EDEM1: variants seen among roughly 807,000 people sequenced by gnomAD.
EDEM1 encodes ER degradation-enhancing alpha-mannosidase-like protein 1.
EDEM1 carries 67 observed loss-of-function variants against 74.4 expected under a neutral mutation model. The observed-to-expected ratio is 0.90, with a 90% CI of 0.74 to 1.10. EDEM1 has a LOEUF of 1.10. Ranked by LOEUF, EDEM1 falls within the 50% of genes least tolerant of loss-of-function variation. EDEM1 has a pLI of 0.00. For synonymous variants in EDEM1, 382 were observed against 335.9 expected (o/e 1.14, Z -1.50); for missense variants, 926 against 851.6 (o/e 1.09, Z -1.09).
In EDEM1 at chr3:5,215,995, T is replaced by C. The variant is rs2055230250; in HGVS notation, c.*77T>C. 1 of 1,247,132 alleles carries C rather than the reference T, an allele frequency of 8.0e-7. No homozygotes were observed. The allele number at this position is 1,247,132 out of a possible 1,614,324, so 77.3% of individuals were successfully genotyped here. On this transcript the variant is annotated 3_prime_UTR_variant, in exon 12 of 12. Transcript: ENST00000256497. ...GACCATGCCAAAGTCCAGTCTGAAA[T>C]GAAAGGGGACAGAAGTCTTGCTGTC...
Position 5,187,831 on chromosome 3 carries a change from G to T in EDEM1, c.26G>T (p.Gly9Val). The change falls in exon 1 of 12, where the codon GGG becomes GTG. Residue 9 changes from glycine to valine, a missense_variant. Coordinates refer to ENST00000256497, the MANE Select transcript of EDEM1 (RefSeq NM_014674.3). ...ATGCAATGGCGAGCGCTCGTCCTGG[G>T]GCTGGTGCTCCTCCGGCTTGGCCTC... MQWRALVL[G>V]LVLLRLGLHG... 1 of 1,589,974 alleles carries T rather than the reference G, an allele frequency of 6.3e-7. No individual in the cohort carries two copies. The highest frequency in any genetic ancestry group is 8.5e-7 in the Non-Finnish European group (1 of 1,169,724).
In EDEM1 at chr3:5,218,323, G is replaced by T. The variant is rs2055266181; in HGVS notation, c.*2405G>T. On this transcript the variant is annotated 3_prime_UTR_variant, in exon 12 of 12. Coordinates refer to ENST00000256497, the MANE Select transcript of EDEM1 (RefSeq NM_014674.3). The stretch of plus-strand genomic sequence containing the variant: ...TGGTTTGTGGGGCTGGATGCCAGAA[G>T]GTTCTTTGAGCCAGTTTCAAAGGTT... 2 of 151,716 alleles carry T rather than the reference G, an allele frequency of 1.3e-5. No homozygotes were observed. Among genetic ancestry groups the T allele is most frequent in the Admixed American group, 1.3e-4 (2 of 15,232 alleles). The allele number at this position is 151,716 out of a possible 1,614,324, so 9.4% of individuals were successfully genotyped here. A position where few individuals can be genotyped will look rare whatever the true frequency, so the allele number is the denominator to read the frequency against.
chr3:5,211,091 G>T lies in EDEM1; in HGVS notation c.1584-29G>T. On this transcript the variant is annotated intron_variant, in intron 9 of 11. Coordinates refer to ENST00000256497, the MANE Select transcript of EDEM1 (RefSeq NM_014674.3). ...AATCAGCAGGTGGGAAGGAAGAGAG[G>T]CAGGACTGACCAGATGATTGTTTTG... 3 of 1,607,070 alleles carry T rather than the reference G, an allele frequency of 1.9e-6. No homozygotes were observed. In the South Asian group the frequency reaches 3.3e-5, roughly 18 times the overall value.
intron 4 of EDEM1, among the ~76,000 whole-genome samples, chr3:5,202,557 C>T (rs746600827): frequency 1.3e-5 from 2 of 152,208 alleles, no homozygotes; most frequent in Non-Finnish European, 2.9e-5. Flanking sequence ...TGCCTCCTTT[C>T]TTGCCCAGTT....
intron 3 of EDEM1, among the ~76,000 whole-genome samples, chr3:5,200,224 G>T (rs2055018061): frequency 6.6e-6 from 1 of 152,218 alleles, no homozygotes; most frequent in Non-Finnish European, 1.5e-5. Flanking sequence ...GAGCCACCAT[G>T]CCTGGGTACA....
At chr3:5,194,536 A>C (rs542318877) in intron 1 of EDEM1, among the ~76,000 whole-genome samples, 1 of 152,292 alleles carries the variant, frequency 6.6e-6, no homozygotes, top group Middle Eastern at 3.4e-3. Flanking sequence ...ATTGGTGTAG[A>C]TTATGGGGTG....
intron 2 of EDEM1, among the ~76,000 whole-genome samples, chr3:5,196,034 C>T (rs1301630024): frequency 6.6e-6 from 1 of 152,242 alleles, no homozygotes; most frequent in Non-Finnish European, 1.5e-5. Context: ...AACCTCTTTG[C>T]TTTCCTTCAT....
chr3:5,210,188 C>T lies in EDEM1; in HGVS notation c.1523C>T (p.Pro508Leu). Residue 508 changes from proline (P) to leucine (L), a missense_variant, in exon 9 of 12, where the codon CCC (proline) becomes CTC (leucine). Pro to Leu is a moderately conservative substitution (Grantham distance 98). Coordinates refer to ENST00000256497, the MANE Select transcript of EDEM1 (RefSeq NM_014674.3). ...TGTTCTCTCTAGGCAACCAAGAATCCCTTCTACCTCCATGTAGGAATGGAT... is the reference window on the plus strand; with the variant it reads ...TGTTCTCTCTAGGCAACCAAGAATCTCTTCTACCTCCATGTAGGAATGGAT... ...TYLLYQATKN[P>L]FYLHVGMDIL... is the part of the protein sequence containing the mutation. The T allele has an allele frequency of 6.2e-7, 1 of 1,614,180 alleles. No homozygotes were observed. Among genetic ancestry groups the T allele is most frequent in the Non-Finnish European group, 8.5e-7 (1 of 1,180,014 alleles).
At chr3:5,203,324 G>T (rs1396752057) in intron 5 of EDEM1, among the ~76,000 whole-genome samples, 175 bp downstream of exon 5, 1 of 152,196 alleles carries the variant, frequency 6.6e-6, no homozygotes, top group East Asian at 1.9e-4. Context: ...TGCATGGTCT[G>T]ATGGAAAAGC....
chr3:5,213,062 TGA>T (rs1320535545), intron 10 of EDEM1, among the ~76,000 whole-genome samples: 1 of 152,220 alleles, frequency 6.6e-6, no homozygotes, highest in Admixed American at 6.5e-5. Context: ...TCAGAATTTC[TGA>T]GTCTCTGCGT....
In EDEM1 at chr3:5,199,592, A is replaced by G. The variant is rs776709652; in HGVS notation, c.583A>G (p.Ile195Val). The change falls in exon 3 of 12, where the codon ATA (isoleucine) becomes GTA (valine). Residue 195 changes from isoleucine to valine, a missense_variant and splice_region_variant. Transcript: ENST00000256497. ...ATGACCTGTGTTCCTCTTTTTAAAG[A>G]TAATGGGAAATTCATCCGAGTTCCA... The part of the protein sequence containing the change: ...TLVDALDTLA[I>V]MGNSSEFQKA... 1.2e-6 allele frequency: 2 copies of G among 1,608,980 alleles called. No homozygotes were observed. Among genetic ancestry groups the G allele is most frequent in the African/African-American group, 2.7e-5 (2 of 74,764 alleles).
Position 5,210,196 on chromosome 3 carries a change from C to T in EDEM1, c.1531C>T (p.Leu511Phe), listed in dbSNP as rs761854881. 1.2e-6 allele frequency: 2 copies of T among 1,614,192 alleles called. No individual in the cohort carries two copies. The highest frequency in any genetic ancestry group is 2.2e-5 in the East Asian group (1 of 44,890). The change falls in exon 9 of 12, where the codon CTC (leucine) becomes TTC (phenylalanine). Residue 511 changes from leucine to phenylalanine, a missense_variant. Transcript: ENST00000256497. The stretch of plus-strand genomic sequence containing the variant: ...CTAGGCAACCAAGAATCCCTTCTAC[C>T]TCCATGTAGGAATGGATATTCTGCA... ...LYQATKNPFY[L>F]HVGMDILQSL...
intron 1 of EDEM1, among the ~76,000 whole-genome samples, chr3:5,194,090 C>A (rs922473795): frequency 3.9e-5 from 6 of 152,178 alleles, no homozygotes; most frequent in Admixed American, 1.3e-4. Flanking sequence ...GTGCTGTGCA[C>A]CAGAAGCTTC....
At position 5,215,914 on chromosome 3, in the gene EDEM1, T is replaced by C. The variant is rs2055229120; in HGVS notation, c.1970T>C (p.Ile657Thr). ...CAGATTGACCAGATGGTTGGTTTGA[T>C]TTGATCTGCTCTCTGTGAGGCCTCA... ...MRQIDQMVGL[I>T] Residue 657 changes from isoleucine (I) to threonine (T), a missense_variant, in exon 12 of 12, where the codon ATT becomes ACT. Physicochemically the swap from Ile to Thr is moderately conservative, Grantham distance 89. Transcript: ENST00000256497. The C allele has an allele frequency of 2.5e-6, 4 of 1,612,760 alleles. No homozygotes were observed. Among genetic ancestry groups the C allele is most frequent in the Admixed American group, 3.3e-5 (2 of 59,770 alleles).
chr3:5,207,410 C>T, intron 7 of EDEM1, 137 bp downstream of exon 7: 1 of 1,252,188 alleles, frequency 8.0e-7, no homozygotes, highest in Non-Finnish European at 1.1e-6. Context: ...ACGTCTTCAT[C>T]TCTCTGTTTG....
At chr3:5,213,666 C>T (rs1366817000) in intron 11 of EDEM1, 144 bp downstream of exon 11, 8 of 792,002 alleles carry the variant, frequency 1.0e-5, no homozygotes, top group Non-Finnish European at 1.6e-5. Flanking sequence ...ACACCATTTA[C>T]ATAGCTGTTG....
intron 10 of EDEM1, among the ~76,000 whole-genome samples, chr3:5,212,516 C>A (rs2055179515): frequency 6.6e-6 from 1 of 152,216 alleles, no homozygotes; most frequent in Non-Finnish European, 1.5e-5. Flanking sequence ...CTGAAAGAAC[C>A]TAGAGTCTGG....
In EDEM1 at chr3:5,201,806, C is replaced by A. The variant is rs2055038220; in HGVS notation, c.740C>A (p.Pro247His). ...AHRIITDSKQ[P>H]FGDMTIKDYD... is the part of the protein sequence containing the mutation. ...AGAATAATAACTGACTCCAAGCAGC[C>A]CTTTGGTGACATGACAATTAAGGAC... Residue 247 changes from proline to histidine, a missense_variant, in exon 4 of 12, where the codon CCC (proline) becomes CAC (histidine). Transcript: ENST00000256497. The A allele has an allele frequency of 6.2e-7, 1 of 1,613,992 alleles. No homozygotes were observed. Among genetic ancestry groups the A allele is most frequent in the Admixed American group, 1.7e-5 (1 of 59,992 alleles).
chr3:5,197,633 T>C (rs757410946), intron 2 of EDEM1, among the ~76,000 whole-genome samples: 5 of 152,258 alleles, frequency 3.3e-5, no homozygotes, highest in African/African-American at 7.2e-5. Flanking sequence ...ATCCGGCCTT[T>C]AGTGCTTCAG....
Sources: allele counts gnomAD v4.1 joint callset (sites outside exome capture counted in the v4.1 genomes callset), GRCh38; gene constraint gnomAD v4.1.1; transcripts MANE v1.5; gene names NCBI Gene and HGNC (gene_info 2026-07-23, HGNC 2026-07-21).